RALYL: variants seen among roughly 807,000 people sequenced by gnomAD.
The protein encoded by RALYL is RALY RNA binding protein like.
In RALYL, 29 loss-of-function variants were observed where a neutral mutation model predicts 35.1. The ratio of observed to expected loss-of-function variants is 0.83; its 90% CI spans 0.61 to 1.13. The LOEUF is 1.13. Among genes scored for constraint, RALYL ranks in the 50% most tolerant of loss-of-function variants. The pLI, the probability that RALYL is intolerant of heterozygous loss-of-function variation, is 0.00. For missense variants in RALYL, 359 were observed against 360.4 expected (o/e 1.00, Z 0.03); for synonymous variants, 120 against 127.6 (o/e 0.94, Z 0.40).
At chr8:84,382,628 C>T (rs1278242763) in intron 1 of RALYL, among the ~76,000 whole-genome samples, 1 of 151,352 alleles carries the variant, frequency 6.6e-6, no homozygotes, top group African/African-American at 2.4e-5. Flanking sequence ...GATGTTAGCC[C>T]TACAGTGTTT....
At chr8:84,277,973 G>A (rs1464083669) in intron 1 of RALYL, among the ~76,000 whole-genome samples, 1 of 152,180 alleles carries the variant, frequency 6.6e-6, no homozygotes, top group African/African-American at 2.4e-5. Context: ...GGGGTCTGGA[G>A]GATGGTGGCC....
intron 2 of RALYL, among the ~76,000 whole-genome samples, chr8:84,615,169 T>A (rs1242806192): frequency 6.6e-6 from 1 of 151,776 alleles, no homozygotes; most frequent in Non-Finnish European, 1.5e-5. Context: ...TACGGAAATA[T>A]TTCTAAAATG....
chr8:84,737,729 A>C (rs1041215145), intron 2 of RALYL, among the ~76,000 whole-genome samples: 3 of 151,898 alleles, frequency 2.0e-5, no homozygotes, highest in Admixed American at 1.3e-4. Context: ...GGAGGTGATT[A>C]GTGTATAAGG....
intron 1 of RALYL, among the ~76,000 whole-genome samples, chr8:84,354,872 C>A (rs1851532405): frequency 6.7e-6 from 1 of 150,152 alleles, no homozygotes; most frequent in South Asian, 2.1e-4. Context: ...ACAATTAGGA[C>A]CTCACAAAAT....
intron 2 of RALYL, among the ~76,000 whole-genome samples, chr8:84,588,594 C>T (rs754475316): frequency 2.0e-5 from 3 of 152,108 alleles, no homozygotes; most frequent in Non-Finnish European, 2.9e-5. Context: ...AGTATTAATG[C>T]CAAGTGAGAA....
intron 4 of RALYL, among the ~76,000 whole-genome samples, chr8:84,834,756 CT>C (rs1831606919): frequency 6.6e-6 from 1 of 152,152 alleles, no homozygotes; most frequent in Non-Finnish European, 1.5e-5. Flanking sequence ...TCTAAACATT[CT>C]AATATCAATA....
rs867225837 is a variant in RALYL, at chr8:84,192,971, A to T, written c.-24+8547A>T. Among the ~76,000 whole-genome samples the T allele has an allele frequency of 1.9e-4, 28 of 148,766 alleles. No individual in the cohort carries two copies. The Middle Eastern group carries it at 0.01, about 56-fold the overall frequency. On this transcript the variant is annotated intron_variant, in intron 1 of 8. Transcript: ENST00000521268. ...TTTGTTAACCAACTTTAAATCAGGG[A>T]GTGCTTATGCTGGTTTTATTGTGTT...
chr8:84,917,497 T>C (rs866708248), intron 8 of RALYL, among the ~76,000 whole-genome samples: 2 of 151,708 alleles, frequency 1.3e-5, no homozygotes, highest in Middle Eastern at 6.8e-3. Flanking sequence ...CTTTTAGTTA[T>C]ATTAAAATGT....
At chr8:84,372,886 G>GTTTTTTTTGTTTTGTTTTGTTTT (rs1856064727) in intron 1 of RALYL, among the ~76,000 whole-genome samples, 3 of 39,060 alleles carry the variant, frequency 7.7e-5, no homozygotes, top group African/African-American at 1.1e-4. Flanking sequence ...GCCAGCATCT[G>GTTTTTTTTGTTTTGTTTTGTTTT]TTTTTTTTTT....
At chr8:84,273,527 A>G (rs182108711) in intron 1 of RALYL, among the ~76,000 whole-genome samples, 1 of 152,342 alleles carries the variant, frequency 6.6e-6, no homozygotes, top group Admixed American at 6.5e-5. Flanking sequence ...ATCCCCATTC[A>G]GGGATATAGG....
chr8:84,489,281 C>G (rs762975950), intron 1 of RALYL, among the ~76,000 whole-genome samples: 1 of 151,852 alleles, frequency 6.6e-6, no homozygotes, highest in Non-Finnish European at 1.5e-5. Flanking sequence ...TTTAGCATGG[C>G]TTATACTAGG....
chr8:84,318,795 G>T (rs972772048), intron 1 of RALYL, among the ~76,000 whole-genome samples: 1 of 152,072 alleles, frequency 6.6e-6, no homozygotes, highest in African/African-American at 2.4e-5. Flanking sequence ...TTACAATATA[G>T]GAAAACTAGC....
At chr8:84,434,990 T>C (rs974262153) in intron 1 of RALYL, among the ~76,000 whole-genome samples, 2 of 152,144 alleles carry the variant, frequency 1.3e-5, no homozygotes, top group Admixed American at 6.6e-5. Flanking sequence ...TTGAACACAC[T>C]AACATGACCA....
intron 1 of RALYL, among the ~76,000 whole-genome samples, chr8:84,402,550 T>A (rs1186100721): frequency 1.3e-5 from 2 of 152,118 alleles, no homozygotes; most frequent in African/African-American, 4.8e-5. Context: ...TGGCCCACTG[T>A]CCTAGTTCAA....
At chr8:84,788,296 A>G (rs542470839) in intron 3 of RALYL, among the ~76,000 whole-genome samples, 1 of 152,312 alleles carries the variant, frequency 6.6e-6, no homozygotes, top group Admixed American at 6.5e-5. Flanking sequence ...ATGATCTTTG[A>G]CAAACCTGAC....
At position 84,397,884 on chromosome 8, in the gene RALYL, A is replaced by C. The variant is rs559060921; in HGVS notation, c.-23-131415A>C. ...TTTATAAGGTGAAGGGAAAAGCTGTAATAGCTTCTTTGCCATTAGTTTTGA... is the reference window on the plus strand; with the variant it reads ...TTTATAAGGTGAAGGGAAAAGCTGTCATAGCTTCTTTGCCATTAGTTTTGA... On this transcript the variant is annotated intron_variant, in intron 1 of 8. Coordinates refer to ENST00000521268, the MANE Select transcript of RALYL (RefSeq NM_173848.7). Among the ~76,000 whole-genome samples the C allele has an allele frequency of 3.4e-4, 52 of 152,302 alleles. No individual in the cohort carries two copies. In the South Asian group the frequency reaches 0.01, roughly 30 times the overall value.
chr8:84,546,475 C>CT (rs2060367577), intron 2 of RALYL, among the ~76,000 whole-genome samples: 1 of 152,136 alleles, frequency 6.6e-6, no homozygotes, highest in Admixed American at 6.5e-5. Flanking sequence ...TGTCAAACGT[C>CT]TTTTTAGCAT....
At chr8:84,447,271 G>C (rs977747640) in intron 1 of RALYL, among the ~76,000 whole-genome samples, 4 of 152,074 alleles carry the variant, frequency 2.6e-5, no homozygotes, top group Admixed American at 6.6e-5. Context: ...GGGAGCAGCT[G>C]TCACTTTCTT....
At chr8:84,855,901 G>T (rs944373307) in intron 5 of RALYL, among the ~76,000 whole-genome samples, 2 of 152,104 alleles carry the variant, frequency 1.3e-5, no homozygotes, top group Non-Finnish European at 2.9e-5. Context: ...AATAGGCATT[G>T]TTCAATTCTG....
Sources: allele counts gnomAD v4.1 joint callset (sites outside exome capture counted in the v4.1 genomes callset), GRCh38; gene constraint gnomAD v4.1.1; transcripts MANE v1.5; gene names NCBI Gene and HGNC (gene_info 2026-07-23, HGNC 2026-07-21).